ITK: variants seen among roughly 807,000 people sequenced by gnomAD.
ITK encodes the protein tyrosine-protein kinase ITK/TSK.
Under a neutral mutation model 87.6 loss-of-function variants are expected in ITK, and 45 were observed. That is an observed-to-expected ratio of 0.51 (90% confidence interval 0.40 to 0.66). The LOEUF (loss-of-function observed/expected upper bound fraction) is 0.66. Among genes scored for constraint, ITK ranks in the 30% least tolerant of loss-of-function variants. ITK has a pLI of 0.00. For synonymous variants in ITK, 303 were observed against 273.6 expected, an observed-to-expected ratio of 1.11 and a Z score of -1.06; for missense variants, 605 against 766.3, an observed-to-expected ratio of 0.79 and a Z score of 2.48.
rs767083015 is a variant in ITK at position 157,243,715 on chromosome 5, A to G, written c.1153A>G (p.Lys385Glu). 60 of 1,614,028 alleles carry G rather than the reference A, an allele frequency of 3.7e-5. No individual in the cohort carries two copies. The highest frequency in any genetic ancestry group is 1.2e-4 in the South Asian group (11 of 91,064). Residue 385 changes from lysine to glutamate, a missense_variant, in exon 12 of 17, where the codon AAG becomes GAG. Coordinates refer to ENST00000422843, the MANE Select transcript of ITK (RefSeq NM_005546.4). ...GLVHLGYWLNKDKVAIKTIRE... is the reference protein window; with the variant it reads ...GLVHLGYWLNEDKVAIKTIRE... ...GGTGCATCTGGGCTACTGGCTCAACAAGGACAAGGTGGCTATCAAAACCAT... is the reference window on the plus strand; with the variant it reads ...GGTGCATCTGGGCTACTGGCTCAACGAGGACAAGGTGGCTATCAAAACCAT...
At chr5:157,207,312 T>C (rs1754098614) in intron 1 of ITK, among the ~76,000 whole-genome samples, 1 of 149,920 alleles carries the variant, frequency 6.7e-6, no homozygotes, top group East Asian at 2.0e-4. Context: ...CATACTAGTC[T>C]ACTCTGGAAA....
At chr5:157,247,228 G>C (rs1755037117) in intron 15 of ITK, among the ~76,000 whole-genome samples, 1 of 152,144 alleles carries the variant, frequency 6.6e-6, no homozygotes, top group Non-Finnish European at 1.5e-5. Flanking sequence ...GGAGCCAAGT[G>C]GTTTGTTCAT....
chr5:157,223,791 C>T (rs939835963), intron 6 of ITK, among the ~76,000 whole-genome samples: 9 of 152,018 alleles, frequency 5.9e-5, no homozygotes, highest in South Asian at 2.1e-4. Context: ...AACACTGCAA[C>T]GAACATCTTT....
In ITK at chr5:157,240,158, C is replaced by T. The variant is rs1307998769; in HGVS notation, c.948C>T (p.Ile316=). ...YVAEKYVFDS[I]PLLINYHQHN... is the part of the protein sequence containing the mutation. ...CTGAAAAGTATGTGTTCGATTCCAT[C>T]CCTCTTCTCATCAACTATCACCAAC... Residue 316 remains isoleucine, a synonymous_variant, in exon 10 of 17, where the codon ATC becomes ATT. Transcript: ENST00000422843. The T allele has an allele frequency of 6.2e-7, 1 of 1,614,124 alleles. No individual in the cohort carries two copies. The highest frequency in any genetic ancestry group is 2.2e-5 in the East Asian group (1 of 44,886).
Position 157,244,287 on chromosome 5 carries a change from C to T in ITK, c.1258C>T (p.Gln420Ter), listed in dbSNP as rs1170207383. Residue 420 changes from glutamine to a stop codon, truncating the protein, a stop_gained, in exon 13 of 17, where the codon CAG becomes TAG. Coordinates refer to ENST00000422843, the MANE Select transcript of ITK (RefSeq NM_005546.4). LOFTEE classifies it high-confidence loss of function. ...MMKLSHPKLV[Q>*]LYGVCLEQAP... ...GAAACTCTCTCATCCCAAACTGGTG[C>T]AGCTGTATGGGGTGTGCCTGGAGCA... 2 of 1,614,072 alleles carry T rather than the reference C, an allele frequency of 1.2e-6. No individual in the cohort carries two copies. Among genetic ancestry groups the T allele is most frequent in the East Asian group, 2.2e-5 (1 of 44,896 alleles).
intron 2 of ITK, 50 bp downstream of exon 2, chr5:157,209,043 T>C (rs997106429): frequency 2.4e-6 from 3 of 1,266,324 alleles, no homozygotes; most frequent in Non-Finnish European, 3.5e-6. Flanking sequence ...GTGGTTAAAA[T>C]CTTCAGTCAC....
At chr5:157,232,530 T>A in intron 8 of ITK, 136 bp downstream of exon 8, 1 of 629,724 alleles carries the variant, frequency 1.6e-6, no homozygotes, top group South Asian at 1.6e-5. Flanking sequence ...TACAGTGAGC[T>A]ATCATTGTAC....
chr5:157,194,455 A>G (rs1380190502), intron 1 of ITK, among the ~76,000 whole-genome samples: 2 of 152,228 alleles, frequency 1.3e-5, no homozygotes, highest in Non-Finnish European at 2.9e-5. Flanking sequence ...TTTTCTGGGA[A>G]TAACATTCTG....
chr5:157,216,536 G>A (rs1295912345), intron 4 of ITK, among the ~76,000 whole-genome samples: 5 of 152,116 alleles, frequency 3.3e-5, no homozygotes, highest in Non-Finnish European at 5.9e-5. Context: ...GGAAGCAGCA[G>A]AAGTGGATGA....
chr5:157,199,962 C>T (rs1258758151), intron 1 of ITK, among the ~76,000 whole-genome samples: 3 of 152,020 alleles, frequency 2.0e-5, no homozygotes, highest in Admixed American at 6.6e-5. Context: ...TGTAAACAAC[C>T]TGTTTCTGGG....
rs148695440 is a variant in ITK, at chr5:157,239,501, G to A, written c.852-561G>A. ...CCAGATACCCAAAAGGAAAACAAGC[G>A]TTCACCATAAAACACATGTTTCTAG... On this transcript the variant is annotated intron_variant, in intron 9 of 16. Transcript: ENST00000422843. Among the ~76,000 whole-genome samples, 601 of 103,512 alleles carry A rather than the reference G, an allele frequency of 5.8e-3. 5 individuals are homozygous for A. Among genetic ancestry groups the A allele is most frequent in the African/African-American group, 0.018 (552 of 30,996 alleles). 67.9% of individuals were successfully genotyped at this position (103,512 alleles called of 152,430 possible).
Position 157,252,828 on chromosome 5 carries a change from A to G in ITK, c.*150A>G, listed in dbSNP as rs1315269903. 1.4e-6 allele frequency: 1 copy of G among 702,672 alleles called. No individual in the cohort carries two copies. The allele number at this position is 702,672 out of a possible 1,614,324, so 43.5% of individuals were successfully genotyped here. On this transcript the variant is annotated 3_prime_UTR_variant, in exon 17 of 17. Transcript: ENST00000422843. ...TCAGTCCCTGAGTCACCATGGAAGC[A>G]GCATCCTGACCACAGCTGGCAGTCA...
chr5:157,193,800 C>A (rs1044550170), intron 1 of ITK, among the ~76,000 whole-genome samples: 1 of 152,084 alleles, frequency 6.6e-6, no homozygotes, highest in Non-Finnish European at 1.5e-5. Context: ...GGTGTTGAGT[C>A]GGGACCAGCA....
intron 3 of ITK, among the ~76,000 whole-genome samples, chr5:157,213,329 C>G (rs1754230483): frequency 6.6e-6 from 1 of 152,216 alleles, no homozygotes; most frequent in African/African-American, 2.4e-5. Flanking sequence ...TCTCCCTCAA[C>G]ACGCAGGAAT....
At chr5:157,232,131 A>C (rs1236374675) in intron 7 of ITK, among the ~76,000 whole-genome samples, 1 of 152,246 alleles carries the variant, frequency 6.6e-6, no homozygotes, top group Non-Finnish European at 1.5e-5. Flanking sequence ...TAATACCTGG[A>C]AATGAATCAT....
At chr5:157,205,727 T>C (rs1754064484) in intron 1 of ITK, among the ~76,000 whole-genome samples, 1 of 152,206 alleles carries the variant, frequency 6.6e-6, no homozygotes, top group African/African-American at 2.4e-5. Context: ...TTCAGTATGA[T>C]GTTGGCTGTA....
At chr5:157,197,978 A>G (rs1753884436) in intron 1 of ITK, among the ~76,000 whole-genome samples, 2 of 152,206 alleles carry the variant, frequency 1.3e-5, no homozygotes, top group African/African-American at 2.4e-5. Flanking sequence ...TATAAAAGAA[A>G]TACACATTCA....
intron 16 of ITK, 32 bp downstream of exon 16, chr5:157,249,039 T>A: frequency 8.1e-6 from 13 of 1,603,122 alleles, no homozygotes; most frequent in Non-Finnish European, 1.1e-5. Context: ...CCATGCATTG[T>A]CGTATACAAT....
At chr5:157,250,382 C>T (rs1006868215) in intron 16 of ITK, among the ~76,000 whole-genome samples, 14 of 149,774 alleles carry the variant, frequency 9.3e-5, no homozygotes, top group East Asian at 4.0e-4. Flanking sequence ...CATGTCTTTT[C>T]GTGGCTTAAT....
Sources: allele counts gnomAD v4.1 joint callset (sites outside exome capture counted in the v4.1 genomes callset), GRCh38; gene constraint gnomAD v4.1.1; transcripts MANE v1.5; gene names NCBI Gene and HGNC (gene_info 2026-07-23, HGNC 2026-07-21).